Variants in BRAF observed in about 807,000 individuals in gnomAD.
BRAF encodes the protein B-Raf proto-oncogene, serine/threonine kinase.
Under a neutral mutation model 104.6 loss-of-function variants are expected in BRAF, and 16 were observed. The ratio of observed to expected loss-of-function variants is 0.15; its 90% CI spans 0.10 to 0.23. The LOEUF is 0.23. Among genes scored for constraint, BRAF ranks in the 10% least tolerant of loss-of-function variants. The pLI, the probability that BRAF is intolerant of heterozygous loss-of-function variation, is 1.00. For synonymous variants in BRAF, 310 were observed against 341.6 expected (o/e 0.91, Z 1.02); for missense variants, 541 against 937.3 (o/e 0.58, Z 5.52).
intron 2 of BRAF, among the ~76,000 whole-genome samples, chr7:140,838,183 A>G (rs574444142): frequency 2.6e-5 from 4 of 152,318 alleles, no homozygotes; most frequent in African/African-American, 9.6e-5. Context: ...ATTTTTCAAA[A>G]AGTCTAATTC....
chr7:140,805,273 T>C (rs1180560601), intron 5 of BRAF, among the ~76,000 whole-genome samples: 1 of 152,220 alleles, frequency 6.6e-6, no homozygotes, highest in Non-Finnish European at 1.5e-5. Context: ...ATGTATCACT[T>C]TCTAGGGGAT....
intron 1 of BRAF, among the ~76,000 whole-genome samples, chr7:140,865,112 T>C (rs532407303): frequency 1.3e-5 from 2 of 151,332 alleles, no homozygotes; most frequent in South Asian, 4.2e-4. Context: ...CAGAGTCTCA[T>C]TCTGTTGCCC....
intron 1 of BRAF, among the ~76,000 whole-genome samples, chr7:140,911,898 A>T (rs1489992325): frequency 1.3e-5 from 2 of 152,194 alleles, no homozygotes; most frequent in Non-Finnish European, 2.9e-5. Flanking sequence ...AATGAAAATG[A>T]CTCATATTGA....
chr7:140,743,183 G>C, intron 17 of BRAF, among the ~76,000 whole-genome samples: 1 of 150,922 alleles, frequency 6.6e-6, no homozygotes, highest in African/African-American at 2.5e-5. Flanking sequence ...CAGGGATCTA[G>C]AACTAGAAAT....
chr7:140,772,631 A>G (rs1045972825), intron 14 of BRAF, among the ~76,000 whole-genome samples: 2 of 152,104 alleles, frequency 1.3e-5, no homozygotes, highest in African/African-American at 4.8e-5. Context: ...CTGTCTCAAA[A>G]TTTAAAAAAA....
intron 14 of BRAF, among the ~76,000 whole-genome samples, chr7:140,770,148 T>G (rs1799700799): frequency 6.6e-6 from 1 of 152,144 alleles, no homozygotes; most frequent in Admixed American, 6.6e-5. Context: ...ATTTTCTGAT[T>G]ATTATTATTA....
intron 1 of BRAF, among the ~76,000 whole-genome samples, chr7:140,852,829 A>G (rs1316665094): frequency 6.6e-6 from 1 of 152,054 alleles, no homozygotes; most frequent in African/African-American, 2.4e-5. Flanking sequence ...GATCTCCCCC[A>G]TCACCCCCAC....
At chr7:140,822,767 C>T (rs1181895682) in intron 3 of BRAF, among the ~76,000 whole-genome samples, 1 of 152,202 alleles carries the variant, frequency 6.6e-6, no homozygotes. Flanking sequence ...CATATGCTCC[C>T]TTTTCTCTTG....
In BRAF at chr7:140,892,930, C is replaced by T. The variant is rs145506425; in HGVS notation, c.138+31636G>A. The stretch of plus-strand genomic sequence containing the variant: ...TTCCTTTGTGAGAATAACTATTGAA[C>T]ATAAGATATAAAAGGTTAAAAGCTA... On this transcript the variant is annotated intron_variant, in intron 1 of 19. Transcript: ENST00000644969. Among the ~76,000 whole-genome samples, 557 of 152,208 alleles carry T rather than the reference C, an allele frequency of 3.7e-3. 6 individuals carry two copies. Among genetic ancestry groups the T allele is most frequent in the African/African-American group, 0.013 (527 of 41,526 alleles).
At chr7:140,840,678 C>T (rs1807863592) in intron 2 of BRAF, among the ~76,000 whole-genome samples, 1 of 151,558 alleles carries the variant, frequency 6.6e-6, no homozygotes, top group South Asian at 2.1e-4. Flanking sequence ...GTAGTCCCAG[C>T]TGCCCGGGAG....
intron 14 of BRAF, among the ~76,000 whole-genome samples, chr7:140,757,228 T>A (rs970625565): frequency 6.6e-6 from 1 of 152,146 alleles, no homozygotes; most frequent in Admixed American, 6.6e-5. Context: ...TAATTATTCT[T>A]GAATTGCTCC....
At chr7:140,750,246 G>A (rs529284399) in intron 16 of BRAF, among the ~76,000 whole-genome samples, 8 of 152,284 alleles carry the variant, frequency 5.3e-5, no homozygotes, top group African/African-American at 1.9e-4. Context: ...TGAAAAGTTT[G>A]TGACAATGTC....
intron 1 of BRAF, among the ~76,000 whole-genome samples, chr7:140,861,458 T>C (rs1172288298): frequency 1.3e-5 from 2 of 152,244 alleles, no homozygotes; most frequent in Non-Finnish European, 2.9e-5. Flanking sequence ...GGAGTACACA[T>C]ATGATCTCTA....
At chr7:140,872,164 G>A (rs944790236) in intron 1 of BRAF, among the ~76,000 whole-genome samples, 3 of 151,900 alleles carry the variant, frequency 2.0e-5, no homozygotes, top group Admixed American at 6.6e-5. Context: ...GCAGTGAGCC[G>A]AGATCGCACC....
intron 3 of BRAF, among the ~76,000 whole-genome samples, chr7:140,811,985 A>T (rs1006084752): frequency 2.6e-5 from 4 of 152,120 alleles, no homozygotes; most frequent in African/African-American, 9.7e-5. Flanking sequence ...TAATGCCAAA[A>T]TTTCCTGACT....
chr7:140,852,734 A>T (rs966176959), intron 1 of BRAF, among the ~76,000 whole-genome samples: 4 of 152,090 alleles, frequency 2.6e-5, no homozygotes, highest in Admixed American at 6.5e-5. Context: ...TCCTCTCAAC[A>T]CCAGATTCCT....
intron 1 of BRAF, among the ~76,000 whole-genome samples, chr7:140,922,300 G>C (rs1247642206): frequency 2.0e-5 from 3 of 152,176 alleles, no homozygotes; most frequent in Admixed American, 6.5e-5. Flanking sequence ...GGTTCTCAAG[G>C]ATTGGTACAT....
chr7:140,763,340 C>A (rs1415099592), intron 14 of BRAF, among the ~76,000 whole-genome samples: 1 of 145,560 alleles, frequency 6.9e-6, no homozygotes, highest in East Asian at 2.1e-4. Context: ...AGGGGGCTGA[C>A]CCCCCCACCT....
intron 14 of BRAF, among the ~76,000 whole-genome samples, chr7:140,756,781 C>T (rs142167105): frequency 6.6e-6 from 1 of 152,326 alleles, no homozygotes; most frequent in East Asian, 1.9e-4. Context: ...AGGAACAACA[C>T]ATTCTCTTGA....
Sources: gnomAD v4.1 joint callset for allele counts (sites outside exome capture counted in the v4.1 genomes callset) on GRCh38, gnomAD v4.1.1 for gene constraint, MANE v1.5 for transcripts, NCBI Gene and HGNC (gene_info 2026-07-23, HGNC 2026-07-21) for gene names.